CALN1: variants seen among roughly 807,000 people sequenced by gnomAD.
CALN1 encodes calneuron 1, also known as calcium-binding protein 8.
Under a neutral mutation model 30.6 loss-of-function variants are expected in CALN1, and 17 were observed. That is an observed-to-expected ratio of 0.56 (90% CI 0.38 to 0.83). The LOEUF is 0.83. Ranked by LOEUF, CALN1 falls within the 40% of genes least tolerant of loss-of-function variation. The pLI, the probability that CALN1 is intolerant of heterozygous loss-of-function variation, is 0.00. For missense variants in CALN1, 291 were observed against 354.9 expected, an observed-to-expected ratio of 0.82 and a Z score of 1.45; for synonymous variants, 156 against 131.4, an observed-to-expected ratio of 1.19 and a Z score of -1.28.
intron 3 of CALN1, among the ~76,000 whole-genome samples, chr7:72,223,054 G>GC (rs1418907234): frequency 6.6e-6 from 1 of 152,144 alleles, no homozygotes; most frequent in Middle Eastern, 3.2e-3. Flanking sequence ...GGAGAGGGTA[G>GC]CCCCTGCTTA....
At chr7:71,889,995 TTA>T (rs1162861464) in intron 5 of CALN1, among the ~76,000 whole-genome samples, 1 of 152,044 alleles carries the variant, frequency 6.6e-6, no homozygotes, top group African/African-American at 2.4e-5. Flanking sequence ...ATTGGTCACT[TTA>T]GAGTGTAAAT....
intron 3 of CALN1, among the ~76,000 whole-genome samples, chr7:72,145,487 C>T (rs1184442044): frequency 3.9e-5 from 6 of 152,056 alleles, no homozygotes; most frequent in Admixed American, 3.3e-4. Flanking sequence ...TAATAGCCTA[C>T]CAACCAAAAA....
At chr7:71,833,220 C>T (rs368442347) in intron 5 of CALN1, among the ~76,000 whole-genome samples, 1 of 152,126 alleles carries the variant, frequency 6.6e-6, no homozygotes, top group African/African-American at 2.4e-5. Flanking sequence ...GCACTTGCAA[C>T]GGTGTGTGAG....
intron 1 of CALN1, among the ~76,000 whole-genome samples, chr7:72,410,650 C>T (rs1294738829): frequency 2.0e-5 from 3 of 152,146 alleles, no homozygotes; most frequent in East Asian, 3.8e-4. Flanking sequence ...ATAAGCAAAA[C>T]ACCCTAAACC....
At chr7:72,317,746 GTCTT>G (rs772822165) in intron 2 of CALN1, among the ~76,000 whole-genome samples, 12 of 152,176 alleles carry the variant, frequency 7.9e-5, no homozygotes, top group Admixed American at 2.0e-4. Context: ...ATTACTTCCA[GTCTT>G]TCTAAGAAAA....
At chr7:72,150,872 T>TATTATGATGATG (rs1554456497) in intron 3 of CALN1, among the ~76,000 whole-genome samples, 1 of 150,424 alleles carries the variant, frequency 6.6e-6, no homozygotes, top group Non-Finnish European at 1.5e-5. Flanking sequence ...GCTGTGATGA[T>TATTATGATGATG]ATGATGATGA....
At chr7:72,380,764 C>A (rs1804851139) in intron 2 of CALN1, among the ~76,000 whole-genome samples, 1 of 152,038 alleles carries the variant, frequency 6.6e-6, no homozygotes, top group South Asian at 2.1e-4. Context: ...TTGCTTGAGC[C>A]CTGAGCCTCA....
chr7:71,963,826 C>T (rs953444386), intron 5 of CALN1, among the ~76,000 whole-genome samples: 1 of 152,130 alleles, frequency 6.6e-6, no homozygotes, highest in Non-Finnish European at 1.5e-5. Flanking sequence ...GAGATTATCA[C>T]CATTTTGCAA....
chr7:72,053,616 G>A (rs73369874), intron 4 of CALN1, among the ~76,000 whole-genome samples: 11,473 of 149,606 alleles, frequency 0.077, 1,393 homozygotes, highest in African/African-American at 0.26. Flanking sequence ...GTTTTCTTTC[G>A]CAATCTTTAT....
intron 2 of CALN1, among the ~76,000 whole-genome samples, chr7:72,322,953 T>C (rs1402411512): frequency 7.6e-6 from 1 of 131,482 alleles, no homozygotes; most frequent in African/African-American, 2.9e-5. Flanking sequence ...AAAAAATTTT[T>C]AAATAAATAA....
intron 5 of CALN1, among the ~76,000 whole-genome samples, chr7:71,859,773 C>T (rs7806602): frequency 0.11 from 16,761 of 152,122 alleles, 1,356 homozygotes; most frequent in East Asian, 0.43. Context: ...TGAGCCCATG[C>T]GGACACGGTG....
chr7:72,206,555 T>C (rs1466856393), intron 3 of CALN1, among the ~76,000 whole-genome samples: 1 of 152,220 alleles, frequency 6.6e-6, no homozygotes, highest in African/African-American at 2.4e-5. Flanking sequence ...TTATCTTTTT[T>C]TGTATTTTGC....
chr7:72,175,671 A>C lies in CALN1; in HGVS notation c.245-69377T>G, dbSNP rs1278143590. ...CTTGGTACTGGAGGTATTCATGGAG[A>C]AGTAGGCAGACCAGGGCTTTGGAGG... On this transcript the variant is annotated intron_variant, in intron 3 of 6. Transcript: ENST00000395275. 5.9e-5 allele frequency among the ~76,000 whole-genome samples: 9 copies of C among 152,164 alleles called. No homozygotes were observed. The South Asian group carries it at 1.7e-3, about 28-fold the overall frequency.
At chr7:71,965,612 T>C (rs1797493525) in intron 5 of CALN1, among the ~76,000 whole-genome samples, 1 of 152,174 alleles carries the variant, frequency 6.6e-6, no homozygotes, top group Non-Finnish European at 1.5e-5. Flanking sequence ...TGCACTTAAA[T>C]GGTGTATAGC....
At chr7:71,881,113 T>C (rs1334697096) in intron 5 of CALN1, among the ~76,000 whole-genome samples, 2 of 152,208 alleles carry the variant, frequency 1.3e-5, no homozygotes, top group Non-Finnish European at 2.9e-5. Flanking sequence ...TGCTGGATGC[T>C]TCCTGCCCTT....
At chr7:71,837,241 G>GAAAAAAAAAAAAAAAAAAAAAAAA (rs1789668654) in intron 5 of CALN1, among the ~76,000 whole-genome samples, 1 of 2,884 alleles carries the variant, frequency 3.5e-4, no homozygotes, top group Non-Finnish European at 6.4e-4. Flanking sequence ...CAAAAAAAAA[G>GAAAAAAAAAAAAAAAAAAAAAAAA]ACAAAAAAAA....
intron 1 of CALN1, among the ~76,000 whole-genome samples, chr7:72,419,518 A>G (rs1239122162): frequency 6.6e-6 from 1 of 152,116 alleles, no homozygotes; most frequent in Non-Finnish European, 1.5e-5. Context: ...CTGCATGAAT[A>G]CGGGTGTCCC....
At chr7:72,379,476 G>C (rs1804764506) in intron 2 of CALN1, among the ~76,000 whole-genome samples, 2 of 152,190 alleles carry the variant, frequency 1.3e-5, no homozygotes, top group Non-Finnish European at 2.9e-5. Context: ...AGATATACCA[G>C]AAAAGTCACT....
intron 5 of CALN1, among the ~76,000 whole-genome samples, chr7:71,949,304 A>C (rs1276247471): frequency 2.0e-5 from 3 of 152,178 alleles, no homozygotes; most frequent in Non-Finnish European, 4.4e-5. Flanking sequence ...GTGTACGTCG[A>C]GTAAGTGACT....
Sources: allele counts gnomAD v4.1 joint callset (sites outside exome capture counted in the v4.1 genomes callset), GRCh38; gene constraint gnomAD v4.1.1; transcripts MANE v1.5; gene names NCBI Gene and HGNC (gene_info 2026-07-23, HGNC 2026-07-21).